CBR4: variants seen among roughly 807,000 people sequenced by gnomAD.
The protein encoded by CBR4 is 3-oxoacyl-[acyl-carrier-protein] reductase.
A neutral mutation model predicts 21.0 loss-of-function variants in CBR4; 22 were observed. That is an observed-to-expected ratio of 1.05 (90% CI 0.75 to 1.50). The LOEUF (loss-of-function observed/expected upper bound fraction) is 1.50, where lower values mean the gene tolerates loss of function less well. Among genes scored for constraint, CBR4 ranks in the 40% most tolerant of loss-of-function variants. The probability of loss-of-function intolerance (pLI) is 0.00; values close to 1 mark genes in which losing one functional copy is unlikely to be tolerated. For missense variants in CBR4, 302 were observed against 286.3 expected, an observed-to-expected ratio of 1.05 and a Z score of -0.40; for synonymous variants, 100 against 104.4, an observed-to-expected ratio of 0.96 and a Z score of 0.26.
At chr4:168,966,521 C>T (rs542376308) in intron 2 of CBR4, among the ~76,000 whole-genome samples, 4 of 151,068 alleles carry the variant, frequency 2.6e-5, no homozygotes, top group East Asian at 2.0e-4. Context: ...AGCGAGACTC[C>T]GTCTCAAAGA....
intron 2 of CBR4, among the ~76,000 whole-genome samples, chr4:168,895,510 G>A (rs1423977464): frequency 1.3e-5 from 2 of 152,222 alleles, no homozygotes; most frequent in African/African-American, 4.8e-5. Context: ...TATGTTATAT[G>A]TATTATAGAC....
At chr4:168,953,591 T>C (rs949515487) in intron 2 of CBR4, among the ~76,000 whole-genome samples, 21 of 140,528 alleles carry the variant, frequency 1.5e-4, no homozygotes, top group Non-Finnish European at 2.8e-4. Flanking sequence ...GCAAAGCTAA[T>C]TTTTTTTTTT....
chr4:169,002,671 C>A (rs923245158), intron 3 of CBR4, among the ~76,000 whole-genome samples: 1 of 152,008 alleles, frequency 6.6e-6, no homozygotes, highest in African/African-American at 2.4e-5. Flanking sequence ...GAAGCTAAAT[C>A]TCACTAAAAT....
At chr4:168,963,988 A>C (rs1763942089) in intron 2 of CBR4, among the ~76,000 whole-genome samples, 1 of 152,176 alleles carries the variant, frequency 6.6e-6, no homozygotes, top group African/African-American at 2.4e-5. Flanking sequence ...CAGTATTCCC[A>C]GGATGGAATA....
intron 2 of CBR4, among the ~76,000 whole-genome samples, chr4:168,957,294 G>C (rs1230374790): frequency 6.6e-6 from 1 of 151,958 alleles, no homozygotes; most frequent in Non-Finnish European, 1.5e-5. Flanking sequence ...AATTAAAAGA[G>C]TAAAAAATCG....
chr4:168,926,369 A>T, intron 2 of CBR4: 1 of 1,537,158 alleles, frequency 6.5e-7, no homozygotes. Context: ...GCCTTGGTAG[A>T]AAGTGAGGAC....
At chr4:168,993,906 A>G (rs1765049937) in intron 4 of CBR4, among the ~76,000 whole-genome samples, 1 of 152,162 alleles carries the variant, frequency 6.6e-6, no homozygotes, top group Non-Finnish European at 1.5e-5. Context: ...CTGGATTAGG[A>G]CACATTAAAC....
At chr4:168,900,428 A>G (rs1267978866) in intron 2 of CBR4, among the ~76,000 whole-genome samples, 1 of 152,240 alleles carries the variant, frequency 6.6e-6, no homozygotes, top group Non-Finnish European at 1.5e-5. Context: ...TAATGAAAGA[A>G]CAAGATAGTA....
chr4:168,962,420 G>A (rs1238643212), intron 2 of CBR4, among the ~76,000 whole-genome samples: 1 of 152,194 alleles, frequency 6.6e-6, no homozygotes, highest in Non-Finnish European at 1.5e-5. Context: ...AAGGTTGCTT[G>A]GAAATTAGGC....
chr4:168,950,797 T>C (rs1026743977), intron 2 of CBR4, among the ~76,000 whole-genome samples: 3 of 152,204 alleles, frequency 2.0e-5, no homozygotes, highest in African/African-American at 7.2e-5. Context: ...TATTTAGGAC[T>C]GTGATCTTTT....
At position 168,987,965 on chromosome 4, in the gene CBR4, A is replaced by T; in HGVS notation, c.*2185T>A. ...TTTACCTATAAACCTTATTTTGTTA[A>T]TGCTAAGCACAGAACCCTTATGGGC... On this transcript the variant is annotated 3_prime_UTR_variant, in exon 5 of 5. Transcript: ENST00000306193. 1.0e-6 allele frequency: 1 copy of T among 985,450 alleles called. No homozygotes were observed. The highest frequency in any genetic ancestry group is 1.2e-6 in the Non-Finnish European group (1 of 829,906). 61.0% of individuals were successfully genotyped at this position (985,450 alleles called of 1,614,324 possible).
At position 168,987,699 on chromosome 4, in the gene CBR4, T is replaced by C. The variant is rs1345015037; in HGVS notation, c.*2451A>G. ...CCTTTTGAAAATCTTAGAAAAAATGTTTCACCAATGTTAAGGTACAACTCT... is the reference window on the plus strand; with the variant it reads ...CCTTTTGAAAATCTTAGAAAAAATGCTTCACCAATGTTAAGGTACAACTCT... On this transcript the variant is annotated 3_prime_UTR_variant, in exon 5 of 5. Transcript: ENST00000306193. The C allele has an allele frequency of 2.0e-6, 2 of 983,520 alleles. No individual in the cohort carries two copies. Among genetic ancestry groups the C allele is most frequent in the African/African-American group, 1.7e-5 (1 of 57,298 alleles). The allele number at this position is 983,520 out of a possible 1,614,324, so 60.9% of individuals were successfully genotyped here. A position where few individuals can be genotyped will look rare whatever the true frequency, so the allele number is the denominator to read the frequency against.
Position 168,988,768 on chromosome 4 carries a change from A to C in CBR4, c.*1382T>G, listed in dbSNP as rs1327989459. ...AATCTAAGAAAACTATTTCAAAGATAAATTTAAAATAATTTTTAAGGAACC... is the reference window on the plus strand; with the variant it reads ...AATCTAAGAAAACTATTTCAAAGATCAATTTAAAATAATTTTTAAGGAACC... On this transcript the variant is annotated 3_prime_UTR_variant, in exon 5 of 5. Coordinates refer to ENST00000306193, the MANE Select transcript of CBR4 (RefSeq NM_032783.5). The C allele has an allele frequency of 3.1e-6, 3 of 960,142 alleles. No homozygotes were observed. The African/African-American group carries it at 5.3e-5, about 17-fold the overall frequency. 59.5% of individuals were successfully genotyped at this position (960,142 alleles called of 1,614,324 possible). A position where few individuals can be genotyped will look rare whatever the true frequency, so the allele number is the denominator to read the frequency against.
intron 2 of CBR4, among the ~76,000 whole-genome samples, chr4:168,967,411 C>T (rs148502318): frequency 0.011 from 1,730 of 152,154 alleles, 48 homozygotes; most frequent in African/African-American, 0.039. Flanking sequence ...ATGTAAATGA[C>T]GAGTTGATGC....
intron 1 of CBR4, among the ~76,000 whole-genome samples, chr4:169,008,562 C>A (rs1173364934): frequency 6.6e-6 from 1 of 152,118 alleles, no homozygotes; most frequent in Non-Finnish European, 1.5e-5. Flanking sequence ...GTAAGCGACC[C>A]GGGGAATTAT....
Position 168,988,632 on chromosome 4 carries a change from T to A in CBR4, c.*1518A>T. The A allele has an allele frequency of 1.0e-6, 1 of 985,408 alleles. No homozygotes were observed. Among genetic ancestry groups the A allele is most frequent in the Non-Finnish European group, 1.2e-6 (1 of 829,870 alleles). 61.0% of individuals were successfully genotyped at this position (985,408 alleles called of 1,614,324 possible). On this transcript the variant is annotated 3_prime_UTR_variant, in exon 5 of 5. Transcript: ENST00000306193. ...TGCATTTCCTATATGTGCCTAGACT[T>A]GGTAATGCCTGATAAATTCTGTATA...
In CBR4 at chr4:169,010,175, CAAAAAAAAA is replaced by C. The variant is rs67305871; in HGVS notation, c.-95_-87del. ...TCAGGCTTTTAAACAACCGCGGTTC[CAAAAAAAAA>C]AAAAAGAAAAAAAAAGGCAAACCGC... is the stretch of plus-strand genomic sequence containing the variant. On this transcript the variant is annotated 5_prime_UTR_variant, in exon 1 of 5. Transcript: ENST00000306193. The C allele has an allele frequency of 4.5e-6, 3 of 664,478 alleles. No individual in the cohort carries two copies. Among genetic ancestry groups the C allele is most frequent in the East Asian group, 4.6e-5 (1 of 21,534 alleles). 41.2% of individuals were successfully genotyped at this position (664,478 alleles called of 1,614,324 possible). A position where few individuals can be genotyped will look rare whatever the true frequency, so the allele number is the denominator to read the frequency against.
At position 169,002,217 on chromosome 4, in the gene CBR4, A is replaced by C. The variant is rs1730512261; in HGVS notation, c.401-12T>G. 10 of 268,774 alleles carry C rather than the reference A, an allele frequency of 3.7e-5. No homozygotes were observed. Among genetic ancestry groups the C allele is most frequent in the Non-Finnish European group, 5.2e-5 (9 of 174,550 alleles). The allele number at this position is 268,774 out of a possible 1,614,324, so 16.6% of individuals were successfully genotyped here. ...GCCAACAATGCTTCCTAGGACAAAA[A>C]AAAAAAAAAAAAAAAAAAAAGCGTA... On this transcript the variant is annotated splice_polypyrimidine_tract_variant and intron_variant, in intron 3 of 4. Coordinates refer to ENST00000306193, the MANE Select transcript of CBR4 (RefSeq NM_032783.5).
At chr4:168,991,312 C>T (rs1764912321) in intron 4 of CBR4, among the ~76,000 whole-genome samples, 2 of 152,032 alleles carry the variant, frequency 1.3e-5, no homozygotes, top group Non-Finnish European at 2.9e-5. Context: ...TGGTGAATAT[C>T]CTGATAGAAG....
Sources: allele counts gnomAD v4.1 joint callset (sites outside exome capture counted in the v4.1 genomes callset), GRCh38; gene constraint gnomAD v4.1.1; transcripts MANE v1.5; gene names NCBI Gene and HGNC (gene_info 2026-07-23, HGNC 2026-07-21).